The following SF3B1 variants were observed in gnomAD, a reference collection of about 807,000 sequenced individuals.
The protein encoded by SF3B1 is splicing factor 3b subunit 1.
In SF3B1, 12 loss-of-function variants were observed where a neutral mutation model predicts 153.8. The ratio of observed to expected loss-of-function variants is 0.08; its 90% CI spans 0.05 to 0.13. SF3B1 has a LOEUF of 0.13. Ranked by LOEUF, SF3B1 falls within the 10% of genes least tolerant of loss-of-function variation. The pLI is 1.00. For synonymous variants in SF3B1, 498 were observed against 525.2 expected, an observed-to-expected ratio of 0.95 and a Z score of 0.71; for missense variants, 513 against 1,606.1, an observed-to-expected ratio of 0.32 and a Z score of 11.63.
chr2:197,406,515 C>T (rs770024945), intron 9 of SF3B1, among the ~76,000 whole-genome samples: 6 of 152,266 alleles, frequency 3.9e-5, no homozygotes. Flanking sequence ...ACAGGCATCA[C>T]TTGCCATTAA....
In SF3B1 at chr2:197,391,862, A is replaced by T. The variant is rs1409993338; in HGVS notation, c.*441T>A. 1 of 166,942 alleles carries T rather than the reference A, an allele frequency of 6.0e-6. No homozygotes were observed. The highest frequency in any genetic ancestry group is 1.3e-5 in the Non-Finnish European group (1 of 76,402). 10.3% of individuals were successfully genotyped at this position (166,942 alleles called of 1,614,324 possible). On this transcript the variant is annotated 3_prime_UTR_variant, in exon 25 of 25. Coordinates refer to ENST00000335508, the MANE Select transcript of SF3B1 (RefSeq NM_012433.4). Reference sequence around the variant, plus strand: ...TTATATAGTTTTTATTCAGCTAACTACTTTCTATAAACCATGTGACAGAAA... The same window carrying T: ...TTATATAGTTTTTATTCAGCTAACTTCTTTCTATAAACCATGTGACAGAAA...
intron 1 of SF3B1, among the ~76,000 whole-genome samples, chr2:197,425,017 G>C (rs1433844304): frequency 1.3e-5 from 2 of 152,202 alleles, no homozygotes; most frequent in African/African-American, 2.4e-5. Flanking sequence ...AAGTTAGCCA[G>C]GTGTAATGGC....
rs561133002 is a variant in SF3B1 at position 197,422,618 on chromosome 2, C to T, written c.195+1190G>A. Among the ~76,000 whole-genome samples the T allele has an allele frequency of 1.1e-3, 164 of 152,210 alleles. 5 individuals are homozygous for T. In the South Asian group the frequency reaches 0.033, roughly 30 times the overall value. ...AAAAAAAATAAAAAATAACCAGGCGCGGTGGCTCACGCCTGTAATCCCAGC... is the reference window on the plus strand; with the variant it reads ...AAAAAAAATAAAAAATAACCAGGCGTGGTGGCTCACGCCTGTAATCCCAGC... On this transcript the variant is annotated intron_variant, in intron 2 of 24. Transcript: ENST00000335508.
rs2084793845 is a variant in SF3B1, at chr2:197,390,054, T to C, written c.*2249A>G. 6.6e-6 allele frequency: 1 copy of C among 152,218 alleles called. No homozygotes were observed. The highest frequency in any genetic ancestry group is 1.5e-5 in the Non-Finnish European group (1 of 68,036). The allele number at this position is 152,218 out of a possible 1,614,324, so 9.4% of individuals were successfully genotyped here. A position where few individuals can be genotyped will look rare whatever the true frequency, so the allele number is the denominator to read the frequency against. On this transcript the variant is annotated 3_prime_UTR_variant, in exon 25 of 25. Transcript: ENST00000335508. ...ATAGGTAAAACTTCACATAGCGTCT[T>C]CCACATATCACAAAATGCTTTCCTT...
At position 197,416,789 on chromosome 2, in the gene SF3B1, C is replaced by T; in HGVS notation, c.618G>A (p.Gln206=). 1 of 1,614,198 alleles carries T rather than the reference C, an allele frequency of 6.2e-7. No individual in the cohort carries two copies. The highest frequency in any genetic ancestry group is 8.5e-7 in the Non-Finnish European group (1 of 1,180,026). ...GTTTTTTGGGAGTGGCACCAGGAGT[C>T]TGATCAGCTGTTTGATCCCAACGCC... is the stretch of plus-strand genomic sequence containing the variant. ...RKRRWDQTAD[Q]TPGATPKKLS... is the part of the protein sequence containing the mutation. The change falls in exon 6 of 25, where the codon CAG becomes CAA. Residue 206 remains glutamine, a synonymous_variant. Transcript: ENST00000335508.
intron 11 of SF3B1, 25 bp from the exon 12 acceptor site, chr2:197,403,789 G>C: frequency 1.3e-6 from 2 of 1,527,444 alleles, no homozygotes; most frequent in Non-Finnish European, 1.7e-6. Flanking sequence ...AGAGTAATAG[G>C]TGTGGTTTCT....
At chr2:197,414,840 C>CA (rs1480121263) in intron 6 of SF3B1, among the ~76,000 whole-genome samples, 1 of 151,760 alleles carries the variant, frequency 6.6e-6, no homozygotes, top group Non-Finnish European at 1.5e-5. Context: ...CCCGTTTCTA[C>CA]AAAAAAATAA....
chr2:197,418,152 C>A (rs1297144806), intron 5 of SF3B1, among the ~76,000 whole-genome samples: 7 of 142,824 alleles, frequency 4.9e-5, no homozygotes. Flanking sequence ...GGGAGGATAA[C>A]TTGAACCTGG....
chr2:197,418,413 T>C, intron 5 of SF3B1, 96 bp downstream of exon 5: 2 of 841,892 alleles, frequency 2.4e-6, no homozygotes, highest in South Asian at 1.8e-5. Flanking sequence ...CTATTATTTG[T>C]GCAGCAAATA....
At chr2:197,403,951 T>C (rs1020198870) in intron 11 of SF3B1, among the ~76,000 whole-genome samples, 187 bp from the exon 12 acceptor site, 1 of 152,246 alleles carries the variant, frequency 6.6e-6, no homozygotes, top group Non-Finnish European at 1.5e-5. Flanking sequence ...GTGATAGAAA[T>C]TTTATGTTAA....
intron 23 of SF3B1, among the ~76,000 whole-genome samples, 173 bp downstream of exon 23, chr2:197,395,883 C>T (rs2084869839): frequency 6.6e-6 from 1 of 152,164 alleles, no homozygotes; most frequent in Non-Finnish European, 1.5e-5. Context: ...ATCACTACAG[C>T]GTGCACATTA....
At chr2:197,405,204 G>A (rs1348685477) in intron 10 of SF3B1, 27 bp from the exon 11 acceptor site, 22 of 1,598,954 alleles carry the variant, frequency 1.4e-5, no homozygotes, top group Non-Finnish European at 1.9e-5. Context: ...AAAATGTTAA[G>A]GGAAGTTGAA....
chr2:197,406,316 C>A (rs2084992682), intron 9 of SF3B1, among the ~76,000 whole-genome samples: 1 of 151,880 alleles, frequency 6.6e-6, no homozygotes, highest in Admixed American at 6.6e-5. Flanking sequence ...TACACGTCTT[C>A]TCCAGTGAGC....
rs2105972760 is a variant in SF3B1, at chr2:197,391,286, G to A, written c.*1017C>T. 1 of 152,200 alleles carries A rather than the reference G, an allele frequency of 6.6e-6. No homozygotes were observed. The highest frequency in any genetic ancestry group is 1.5e-5 in the Non-Finnish European group (1 of 68,020). 9.4% of individuals were successfully genotyped at this position (152,200 alleles called of 1,614,324 possible). A position where few individuals can be genotyped will look rare whatever the true frequency, so the allele number is the denominator to read the frequency against. On this transcript the variant is annotated 3_prime_UTR_variant, in exon 25 of 25. Coordinates refer to ENST00000335508, the MANE Select transcript of SF3B1 (RefSeq NM_012433.4). ...CTAAGCAAACCTAGACATTTTAGCTGCTGCCACTGTGTATTATCACAGTAC... is the reference window on the plus strand; with the variant it reads ...CTAAGCAAACCTAGACATTTTAGCTACTGCCACTGTGTATTATCACAGTAC...
At chr2:197,414,622 C>T (rs925095288) in intron 6 of SF3B1, among the ~76,000 whole-genome samples, 1 of 152,144 alleles carries the variant, frequency 6.6e-6, no homozygotes, top group African/African-American at 2.4e-5. Context: ...GTGACCTTGA[C>T]AAGAGATTTT....
chr2:197,409,168 G>A (rs1201152301), intron 7 of SF3B1, among the ~76,000 whole-genome samples: 1 of 151,974 alleles, frequency 6.6e-6, no homozygotes, highest in Admixed American at 6.6e-5. Flanking sequence ...AGAAGGCCGA[G>A]GGGGGCAGAT....
chr2:197,433,122 T>C (rs1193799522), intron 1 of SF3B1, among the ~76,000 whole-genome samples: 1 of 152,194 alleles, frequency 6.6e-6, no homozygotes, highest in African/African-American at 2.4e-5. Context: ...TAGAGTTCCA[T>C]TAGGAAGGAA....
At chr2:197,410,501 ATTTT>A (rs573287348) in intron 6 of SF3B1, among the ~76,000 whole-genome samples, 1 of 107,942 alleles carries the variant, frequency 9.3e-6, no homozygotes, top group Admixed American at 1.1e-4. Context: ...CACCTATGTA[ATTTT>A]TTTTTTTTTT....
Position 197,435,015 on chromosome 2 carries a change from A to G in SF3B1, c.-16T>C. On this transcript the variant is annotated 5_prime_UTR_variant, in exon 1 of 25. Transcript: ENST00000335508. Reference sequence around the variant, plus strand: ...TCTTCGCCATTTTGTCCACTCGAACACACAGACGGAACTGGCGCTCCCAAG... The same window carrying G: ...TCTTCGCCATTTTGTCCACTCGAACGCACAGACGGAACTGGCGCTCCCAAG... The G allele has an allele frequency of 6.2e-7, 1 of 1,614,270 alleles. No homozygotes were observed. Among genetic ancestry groups the G allele is most frequent in the Non-Finnish European group, 8.5e-7 (1 of 1,180,048 alleles).
Sources: gnomAD v4.1 joint callset for allele counts (sites outside exome capture counted in the v4.1 genomes callset) on GRCh38, gnomAD v4.1.1 for gene constraint, MANE v1.5 for transcripts, NCBI Gene and HGNC (gene_info 2026-07-23, HGNC 2026-07-21) for gene names.